Variants in KANSL1L observed in about 807,000 individuals in gnomAD.
KANSL1L encodes KAT8 regulatory NSL complex subunit 1 like, also known as KAT8 regulatory NSL complex subunit 1-like protein.
Under a neutral mutation model 108.6 loss-of-function variants are expected in KANSL1L, and 25 were observed. That is an observed-to-expected ratio of 0.23 (90% CI 0.17 to 0.32). The LOEUF (loss-of-function observed/expected upper bound fraction) is 0.32. Ranked by LOEUF, KANSL1L falls within the 10% of genes least tolerant of loss-of-function variation. The probability of loss-of-function intolerance (pLI) is 1.00; values close to 1 mark genes in which losing one functional copy is unlikely to be tolerated. For missense variants in KANSL1L, 1,137 were observed against 1,125.7 expected, an observed-to-expected ratio of 1.01 and a Z score of -0.14; for synonymous variants, 405 against 395.1, an observed-to-expected ratio of 1.03 and a Z score of -0.30.
intron 8 of KANSL1L, among the ~76,000 whole-genome samples, chr2:210,035,949 C>T (rs115117981): frequency 3.9e-5 from 6 of 152,312 alleles, no homozygotes; most frequent in Non-Finnish European, 5.9e-5. Flanking sequence ...CTTACTAAAT[C>T]AGACTCTGCA....
At chr2:210,104,604 T>C (rs2094828217) in intron 3 of KANSL1L, among the ~76,000 whole-genome samples, 1 of 152,228 alleles carries the variant, frequency 6.6e-6, no homozygotes, top group South Asian at 2.1e-4. Context: ...AAAGGCATAT[T>C]ATACACAGAA....
At chr2:210,162,673 A>G (rs2095368234) in intron 1 of KANSL1L, among the ~76,000 whole-genome samples, 1 of 151,236 alleles carries the variant, frequency 6.6e-6, no homozygotes, top group Non-Finnish European at 1.5e-5. Flanking sequence ...TTACTTGAGC[A>G]AAGGAAGAGG....
intron 6 of KANSL1L, among the ~76,000 whole-genome samples, chr2:210,071,613 G>T (rs958621824): frequency 1.6e-4 from 25 of 152,036 alleles, no homozygotes; most frequent in African/African-American, 5.6e-4. Context: ...TTGGATTAGG[G>T]CCCACCCTGA....
chr2:210,098,868 AAT>A, intron 4 of KANSL1L, among the ~76,000 whole-genome samples: 1 of 151,202 alleles, frequency 6.6e-6, no homozygotes, highest in Non-Finnish European at 1.5e-5. Flanking sequence ...CCCAGACTTA[AAT>A]ATATGTAATA....
At chr2:210,033,248 T>C (rs1344498502) in intron 8 of KANSL1L, among the ~76,000 whole-genome samples, 1 of 152,154 alleles carries the variant, frequency 6.6e-6, no homozygotes, top group African/African-American at 2.4e-5. Flanking sequence ...AAATCATAAA[T>C]GCATCACAGA....
At chr2:210,147,853 A>AT (rs2095276217) in intron 2 of KANSL1L, among the ~76,000 whole-genome samples, 1 of 152,202 alleles carries the variant, frequency 6.6e-6, no homozygotes, top group Admixed American at 6.5e-5. Flanking sequence ...GAAATACTGG[A>AT]TCACCTTGCT....
At chr2:210,083,204 AG>A (rs1231924465) in intron 5 of KANSL1L, among the ~76,000 whole-genome samples, 5 of 152,186 alleles carry the variant, frequency 3.3e-5, no homozygotes, top group African/African-American at 1.2e-4. Flanking sequence ...GAACCTTCAC[AG>A]GAAGTATGAT....
chr2:210,154,674 TC>T, intron 1 of KANSL1L, 63 bp from the exon 2 acceptor site: 2 of 997,792 alleles, frequency 2.0e-6, no homozygotes, highest in Non-Finnish European at 2.7e-6. Flanking sequence ...TATACTTTTT[TC>T]TAAGGGCAAC....
chr2:210,110,330 T>G (rs1223841248), intron 3 of KANSL1L, among the ~76,000 whole-genome samples: 1 of 152,210 alleles, frequency 6.6e-6, no homozygotes, highest in Non-Finnish European at 1.5e-5. Context: ...TCCAAATCAC[T>G]TTGGTCCTTT....
upstream of KANSL1L, among the ~76,000 whole-genome samples, chr2:210,172,191 C>A (rs927449451): frequency 6.6e-6 from 1 of 152,102 alleles, no homozygotes; most frequent in Non-Finnish European, 1.5e-5. Flanking sequence ...ACAAAACAAA[C>A]CTGCACCTGG....
chr2:210,074,304 T>C (rs1425480492), intron 6 of KANSL1L, among the ~76,000 whole-genome samples: 1 of 152,202 alleles, frequency 6.6e-6, no homozygotes, highest in African/African-American at 2.4e-5. Flanking sequence ...ATCTTTTCTA[T>C]ATATTTCCTA....
chr2:210,045,758 A>G (rs2094216555), intron 6 of KANSL1L, among the ~76,000 whole-genome samples: 1 of 152,098 alleles, frequency 6.6e-6, no homozygotes, highest in Admixed American at 6.6e-5. Context: ...CTTTAAGGAT[A>G]CTTTCATTCT....
chr2:210,101,673 A>G (rs1385756531), intron 4 of KANSL1L, among the ~76,000 whole-genome samples: 2 of 152,234 alleles, frequency 1.3e-5, no homozygotes, highest in Non-Finnish European at 2.9e-5. Context: ...GGTCAAGTGC[A>G]TTATAATTTG....
At chr2:210,170,067 C>G (rs1459137369) in intron 1 of KANSL1L, among the ~76,000 whole-genome samples, 4 of 152,252 alleles carry the variant, frequency 2.6e-5, no homozygotes, top group Non-Finnish European at 2.9e-5. Flanking sequence ...AGGCAGAGAC[C>G]ACTCACTGTT....
chr2:210,064,732 C>T (rs573355013), intron 6 of KANSL1L, among the ~76,000 whole-genome samples: 1 of 148,978 alleles, frequency 6.7e-6, no homozygotes, highest in Non-Finnish European at 1.5e-5. Flanking sequence ...CTGCTTGAGC[C>T]TGGGAGGTCG....
intron 2 of KANSL1L, among the ~76,000 whole-genome samples, chr2:210,140,562 T>C (rs752852226): frequency 6.6e-6 from 1 of 152,220 alleles, no homozygotes; most frequent in Non-Finnish European, 1.5e-5. Flanking sequence ...TATAGTTTTC[T>C]CAATGTATTT....
At chr2:210,095,638 G>A (rs922726187) in intron 5 of KANSL1L, among the ~76,000 whole-genome samples, 2 of 152,010 alleles carry the variant, frequency 1.3e-5, no homozygotes, top group Non-Finnish European at 2.9e-5. Context: ...ATGAAATCAG[G>A]AGTCAGGAGT....
At chr2:210,170,121 C>T (rs1374037610) in intron 1 of KANSL1L, 1 of 152,184 alleles carries the variant, frequency 6.6e-6, no homozygotes, top group Non-Finnish European at 1.5e-5. Flanking sequence ...GTCATTTTTT[C>T]CTAGTCAGAA....
chr2:210,124,893 T>C, intron 3 of KANSL1L, among the ~76,000 whole-genome samples: 1 of 152,192 alleles, frequency 6.6e-6, no homozygotes, highest in East Asian at 1.9e-4. Context: ...ACAAATTAAA[T>C]AACCTAGATT....
Sources: allele counts gnomAD v4.1 joint callset (sites outside exome capture counted in the v4.1 genomes callset), GRCh38; gene constraint gnomAD v4.1.1; transcripts MANE v1.5; gene names NCBI Gene and HGNC (gene_info 2026-07-23, HGNC 2026-07-21).